CLVS1: variants seen among roughly 807,000 people sequenced by gnomAD.
CLVS1 encodes the protein clavesin 1, also known as clavesin-1.
CLVS1 carries 10 observed loss-of-function variants against 33.1 expected under a neutral mutation model. That is an observed-to-expected ratio of 0.30 (90% CI 0.19 to 0.51). CLVS1 has a LOEUF of 0.51. Among genes scored for constraint, CLVS1 ranks in the 20% least tolerant of loss-of-function variants. The probability of loss-of-function intolerance (pLI) is 0.97; values close to 1 mark genes in which losing one functional copy is unlikely to be tolerated. For missense variants in CLVS1, 343 were observed against 433.4 expected (o/e 0.79, Z 1.85); for synonymous variants, 163 against 166.1 (o/e 0.98, Z 0.14).
chr8:61,283,712 A>C (rs541641154), upstream of CLVS1, among the ~76,000 whole-genome samples: 10 of 152,284 alleles, frequency 6.6e-5, no homozygotes, highest in African/African-American at 2.4e-4. Context: ...TAGCCTGAGA[A>C]ATTAAACTTC....
intron 1 of CLVS1, among the ~76,000 whole-genome samples, chr8:61,120,966 C>A (rs79144771): frequency 6.7e-6 from 1 of 149,830 alleles, no homozygotes; most frequent in Non-Finnish European, 1.5e-5. Context: ...GTGCCCCTCC[C>A]CCAGCCTCGC....
At chr8:61,449,925 C>T (rs945942060) in intron 3 of CLVS1, among the ~76,000 whole-genome samples, 1 of 152,212 alleles carries the variant, frequency 6.6e-6, no homozygotes, top group African/African-American at 2.4e-5. Context: ...ACTACTTCAT[C>T]TTTGCACAAG....
At chr8:61,004,477 T>C in the CLVS1 span, among the ~76,000 whole-genome samples, 9 of 152,338 alleles carry the variant, frequency 5.9e-5, no homozygotes, top group Admixed American at 4.6e-4. Flanking sequence ...CAGCCCTGAC[T>C]GAAGGCTCAG....
At chr8:61,416,194 A>G (rs1185230409) in intron 3 of CLVS1, among the ~76,000 whole-genome samples, 1 of 152,238 alleles carries the variant, frequency 6.6e-6, no homozygotes, top group Non-Finnish European at 1.5e-5. Context: ...TGAGAATTAT[A>G]CATCTATTTG....
At chr8:61,354,959 C>G (rs1812630147) in intron 2 of CLVS1, among the ~76,000 whole-genome samples, 1 of 152,154 alleles carries the variant, frequency 6.6e-6, no homozygotes, top group Non-Finnish European at 1.5e-5. Flanking sequence ...TACACATGCA[C>G]ACATACAAAC....
intron 1 of CLVS1, among the ~76,000 whole-genome samples, chr8:61,130,663 TTGAC>T (rs1214065542): frequency 9.2e-5 from 14 of 152,222 alleles, no homozygotes; most frequent in Non-Finnish European, 1.8e-4. Flanking sequence ...ATTCAAATAA[TTGAC>T]TGATTTAGTG....
At chr8:61,179,998 C>A (rs6982327) in intron 2 of CLVS1, among the ~76,000 whole-genome samples, 115,732 of 152,044 alleles carry the variant, frequency 0.76, 45,134 homozygotes, top group Middle Eastern at 0.93. Flanking sequence ...TCAAAGCAGT[C>A]CTGAAGGAAA....
chr8:61,410,095 T>A (rs16927299), intron 3 of CLVS1, among the ~76,000 whole-genome samples: 4 of 123,906 alleles, frequency 3.2e-5, no homozygotes, highest in African/African-American at 5.6e-5. Context: ...TCTTTGTTTT[T>A]GCTAGGTAAA....
intron 4 of CLVS1, among the ~76,000 whole-genome samples, chr8:61,457,582 T>C (rs1817213887): frequency 1.3e-5 from 2 of 152,020 alleles, no homozygotes; most frequent in Non-Finnish European, 2.9e-5. Context: ...AGCAAAAATA[T>C]CTCACGATAA....
At chr8:60,965,263 T>G in the CLVS1 span, 1 of 152,302 alleles carries the variant, frequency 6.6e-6, no homozygotes, top group South Asian at 2.1e-4. Context: ...GTTTGTCAAT[T>G]CAGAGGTAGA....
At chr8:61,415,404 T>C (rs1815391539) in intron 3 of CLVS1, among the ~76,000 whole-genome samples, 1 of 152,184 alleles carries the variant, frequency 6.6e-6, no homozygotes. Flanking sequence ...AATCAACTTG[T>C]GGTGGGATAT....
At chr8:61,126,802 T>C (rs1377472481) in intron 1 of CLVS1, among the ~76,000 whole-genome samples, 1 of 152,228 alleles carries the variant, frequency 6.6e-6, no homozygotes, top group African/African-American at 2.4e-5. Context: ...CATGTTGGAC[T>C]TATTCTCTCC....
chr8:61,189,262 C>G (rs1294772097), intron 2 of CLVS1, among the ~76,000 whole-genome samples: 1 of 152,148 alleles, frequency 6.6e-6, no homozygotes, highest in Non-Finnish European at 1.5e-5. Flanking sequence ...AATTTCATAT[C>G]CAGCCAAACT....
At chr8:60,974,214 G>T in the CLVS1 span, among the ~76,000 whole-genome samples, 2 of 152,132 alleles carry the variant, frequency 1.3e-5, no homozygotes, top group Non-Finnish European at 2.9e-5. Context: ...GCCTCTGTGG[G>T]GAGGTGAGAT....
At position 61,179,198 on chromosome 8, in the gene CLVS1, A is replaced by G. The variant is rs954623392; in HGVS notation, c.-152+47338A>G. The stretch of plus-strand genomic sequence containing the variant: ...AAAAAAAAGCAGGGGTTGCAATCCT[A>G]ATTTATGGAAAAACAGACTTTAAAC... On this transcript the variant is annotated intron_variant, in intron 2 of 2. Transcript: ENST00000522621. Among the ~76,000 whole-genome samples, 24 of 152,354 alleles carry G rather than the reference A, an allele frequency of 1.6e-4. 1 individual carries two copies. Among genetic ancestry groups the G allele is most frequent in the South Asian group, 2.1e-4 (1 of 4,824 alleles).
intron 2 of CLVS1, chr8:61,202,671 G>A (rs925966186): frequency 2.0e-6 from 3 of 1,538,422 alleles, no homozygotes; most frequent in African/African-American, 2.7e-5. Flanking sequence ...GTGGTTCAGG[G>A]CCAGTGCATA....
At chr8:61,422,203 T>A (rs934134557) in intron 3 of CLVS1, among the ~76,000 whole-genome samples, 1 of 152,050 alleles carries the variant, frequency 6.6e-6, no homozygotes, top group African/African-American at 2.4e-5. Flanking sequence ...ACTTAAAGGA[T>A]CTCTGAATAG....
chr8:61,221,794 G>A (rs1808223478), intron 2 of CLVS1, among the ~76,000 whole-genome samples: 1 of 152,186 alleles, frequency 6.6e-6, no homozygotes, highest in South Asian at 2.1e-4. Flanking sequence ...GTAGAATTCA[G>A]CTGTGAATCC....
rs368392128 is a variant in CLVS1, at chr8:61,138,786, C to T, written c.-152+6926C>T. Among the ~76,000 whole-genome samples, 5 of 152,180 alleles carry T rather than the reference C, an allele frequency of 3.3e-5. No homozygotes were observed. The East Asian group carries it at 7.7e-4, about 23-fold the overall frequency. ...GGGAGTGCCCCATAGAGCTGGGCGT[C>T]ACATCTCATGGGGAAAGGGTAGTTT... On this transcript the variant is annotated intron_variant, in intron 2 of 2. Coordinates refer to the CLVS1 transcript ENST00000522621.
Sources: allele counts gnomAD v4.1 joint callset (sites outside exome capture counted in the v4.1 genomes callset), GRCh38; gene constraint gnomAD v4.1.1; transcripts MANE v1.5; gene names NCBI Gene and HGNC (gene_info 2026-07-23, HGNC 2026-07-21).